The following STARD13 variants were observed in gnomAD, a reference collection of about 807,000 sequenced individuals.
STARD13 encodes the protein StAR related lipid transfer domain containing 13.
In STARD13, 62 loss-of-function variants were observed where a neutral mutation model predicts 106.4. The observed-to-expected ratio is 0.58, with a 90% CI of 0.48 to 0.72. STARD13 has a LOEUF of 0.72. Ranked by LOEUF, STARD13 falls within the 30% of genes least tolerant of loss-of-function variation. The pLI is 0.00. For missense variants in STARD13, 1,387 were observed against 1,424.0 expected (o/e 0.97, Z 0.42); for synonymous variants, 565 against 553.0 (o/e 1.02, Z -0.31).
chr13:33,306,400 TC>T (rs1892907504), intron 1 of STARD13, among the ~76,000 whole-genome samples: 1 of 152,074 alleles, frequency 6.6e-6, no homozygotes, highest in Non-Finnish European at 1.5e-5. Flanking sequence ...GCAATAACAT[TC>T]AAGACATAGC....
At chr13:33,383,371 C>A in the STARD13 span, among the ~76,000 whole-genome samples, 1 of 151,548 alleles carries the variant, frequency 6.6e-6, no homozygotes, top group Non-Finnish European at 1.5e-5. Flanking sequence ...AATGTGAGAC[C>A]CTGTGTCAAA....
At position 33,321,570 on chromosome 13, in the gene STARD13, A is replaced by T. The variant is rs1893561756; in HGVS notation, c.124+28720T>A. Among the ~76,000 whole-genome samples, 3 of 152,092 alleles carry T rather than the reference A, an allele frequency of 2.0e-5. No homozygotes were observed. The South Asian group carries it at 6.2e-4, about 32-fold the overall frequency. On this transcript the variant is annotated intron_variant, in intron 1 of 5. Transcript: ENST00000567873. ...CTTTAAGCACTGACTCTGTGCCATCATTGTTCTCTTACATATATTATCTTA... is the reference window on the plus strand; with the variant it reads ...CTTTAAGCACTGACTCTGTGCCATCTTTGTTCTCTTACATATATTATCTTA...
At chr13:33,543,036 A>T in the STARD13 span, among the ~76,000 whole-genome samples, 1 of 152,250 alleles carries the variant, frequency 6.6e-6, no homozygotes, top group Admixed American at 6.5e-5. Context: ...TTACAAACCC[A>T]AAATGGAGCG....
the STARD13 span, among the ~76,000 whole-genome samples, chr13:33,659,236 T>TTTTTTTTTTTTTA: frequency 7.2e-6 from 1 of 138,564 alleles, no homozygotes; most frequent in African/African-American, 2.6e-5. Flanking sequence ...TTTTTTTTTT[T>TTTTTTTTTTTTTA]ATGAAGTCTT....
the STARD13 span, among the ~76,000 whole-genome samples, chr13:33,649,529 A>G: frequency 6.6e-6 from 1 of 152,236 alleles, no homozygotes; most frequent in East Asian, 1.9e-4. Flanking sequence ...TATACCGAAT[A>G]TAAACATCAT....
At chr13:33,474,574 G>T in the STARD13 span, among the ~76,000 whole-genome samples, 1 of 152,156 alleles carries the variant, frequency 6.6e-6, no homozygotes, top group East Asian at 1.9e-4. Context: ...TCAAGTTCAT[G>T]TGACTTGAGT....
chr13:33,184,230 A>G (rs1885533541), intron 1 of STARD13, among the ~76,000 whole-genome samples: 1 of 152,082 alleles, frequency 6.6e-6, no homozygotes, highest in Admixed American at 6.5e-5. Flanking sequence ...TGTAACTGTG[A>G]CTTCTGTCTC....
the STARD13 span, among the ~76,000 whole-genome samples, chr13:33,409,922 T>C: frequency 6.6e-6 from 1 of 152,250 alleles, no homozygotes; most frequent in East Asian, 1.9e-4. Context: ...GCCTTTACAG[T>C]CACAGCTTTT....
In STARD13 at chr13:33,343,590, A is replaced by AAC. The variant is rs1566150483; in HGVS notation, c.124+6699_124+6700insGT. Among the ~76,000 whole-genome samples the AAC allele has an allele frequency of 9.5e-5, 9 of 94,842 alleles. No individual in the cohort carries two copies. The East Asian group carries it at 2.4e-3, about 26-fold the overall frequency. 62.2% of individuals were successfully genotyped at this position (94,842 alleles called of 152,430 possible). A position where few individuals can be genotyped will look rare whatever the true frequency, so the allele number is the denominator to read the frequency against. On this transcript the variant is annotated intron_variant, in intron 1 of 5. Coordinates refer to the STARD13 transcript ENST00000567873. ...GAGACCCTGTCTTAAAAAAAAAAAA[A>AAC]AAAAAAACAAATCTACAAATCTAGT...
the STARD13 span, among the ~76,000 whole-genome samples, chr13:33,445,830 C>T: frequency 1.3e-5 from 2 of 152,064 alleles, no homozygotes; most frequent in African/African-American, 2.4e-5. Flanking sequence ...AGTGAGAACT[C>T]ACTCACCCCT....
intron 3 of STARD13, among the ~76,000 whole-genome samples, chr13:33,159,249 G>A (rs1481856128): frequency 2.0e-5 from 3 of 152,116 alleles, no homozygotes; most frequent in South Asian, 2.1e-4. Context: ...GATTTTTCTG[G>A]ACGACACTAG....
intron 1 of STARD13, among the ~76,000 whole-genome samples, chr13:33,277,068 A>G: frequency 7.2e-6 from 1 of 139,094 alleles, no homozygotes; most frequent in Non-Finnish European, 1.6e-5. Flanking sequence ...AAAGAGAGAG[A>G]ATTCATGTCT....
At chr13:33,370,833 C>T in the STARD13 span, among the ~76,000 whole-genome samples, 22 of 151,996 alleles carry the variant, frequency 1.4e-4, no homozygotes, top group Admixed American at 1.2e-3. Flanking sequence ...GTTGGCCACG[C>T]TGGTCTTGAA....
chr13:33,541,172 GA>G, the STARD13 span, among the ~76,000 whole-genome samples: 277 of 146,900 alleles, frequency 1.9e-3, 2 homozygotes, highest in African/African-American at 5.6e-3. Context: ...TGGGAAAGTC[GA>G]AAAAAAAAAG....
chr13:33,312,449 C>T (rs139991406), intron 1 of STARD13, among the ~76,000 whole-genome samples: 433 of 152,228 alleles, frequency 2.8e-3, no homozygotes, highest in African/African-American at 1.0e-2. Flanking sequence ...CCCTTTTCTC[C>T]GGCCTTTTCT....
chr13:33,598,123 T>G, the STARD13 span, among the ~76,000 whole-genome samples: 5 of 152,316 alleles, frequency 3.3e-5, no homozygotes, highest in South Asian at 1.0e-3. Flanking sequence ...TCTACCCTAA[T>G]GTCAATGTCC....
chr13:33,410,571 C>T, the STARD13 span, among the ~76,000 whole-genome samples: 1 of 152,184 alleles, frequency 6.6e-6, no homozygotes, highest in African/African-American at 2.4e-5. Flanking sequence ...AGTGCCTGAC[C>T]TCTTGCCCCT....
intron 1 of STARD13, among the ~76,000 whole-genome samples, chr13:33,295,504 T>C (rs925710120): frequency 3.3e-5 from 5 of 152,244 alleles, no homozygotes; most frequent in African/African-American, 1.2e-4. Flanking sequence ...TAACTCACCT[T>C]ACCATTTCCT....
chr13:33,245,449 T>C (rs1026569109), intron 1 of STARD13, among the ~76,000 whole-genome samples: 1 of 152,240 alleles, frequency 6.6e-6, no homozygotes, highest in Non-Finnish European at 1.5e-5. Flanking sequence ...ATTGAATCAT[T>C]TGGGGCCACA....
Sources: allele counts gnomAD v4.1 joint callset (sites outside exome capture counted in the v4.1 genomes callset), GRCh38; gene constraint gnomAD v4.1.1; transcripts MANE v1.5; gene names NCBI Gene and HGNC (gene_info 2026-07-23, HGNC 2026-07-21).